The following SRGAP3 variants were observed in gnomAD, a reference collection of about 807,000 sequenced individuals.
The protein encoded by SRGAP3 is SLIT-ROBO Rho GTPase-activating protein 3.
A neutral mutation model predicts 121.1 loss-of-function variants in SRGAP3; 39 were observed. The ratio of observed to expected loss-of-function variants is 0.32; its 90% CI spans 0.25 to 0.42. SRGAP3 has a LOEUF of 0.42. SRGAP3 is among the 10% of genes least tolerant of loss of function. The probability of loss-of-function intolerance (pLI) is 1.00; values close to 1 mark genes in which losing one functional copy is unlikely to be tolerated. For synonymous variants in SRGAP3, 601 were observed against 570.0 expected (o/e 1.05, Z -0.77); for missense variants, 1,213 against 1,470.6 (o/e 0.82, Z 2.86).
intron 3 of SRGAP3, among the ~76,000 whole-genome samples, chr3:9,083,019 G>A (rs930196807): frequency 2.0e-5 from 3 of 152,114 alleles, no homozygotes; most frequent in Non-Finnish European, 4.4e-5. Flanking sequence ...AGCTCACTGG[G>A]GACCTTCAAC....
chr3:9,236,166 A>G (rs1953402110), intron 1 of SRGAP3: 1 of 174,632 alleles, frequency 5.7e-6, no homozygotes, highest in African/African-American at 2.4e-5. Context: ...ACCTTTGCAC[A>G]TGCTGTCTTC....
chr3:9,151,027 T>C (rs2668356), intron 1 of SRGAP3, among the ~76,000 whole-genome samples: 113,739 of 152,138 alleles, frequency 0.75, 42,635 homozygotes, highest in African/African-American at 0.79. Context: ...TTGAGGCTGG[T>C]TGAGAAGAAT....
chr3:8,990,704 T>C lies in SRGAP3; in HGVS notation c.2694A>G (p.Lys898=). 6.2e-7 allele frequency: 1 copy of C among 1,612,924 alleles called. No homozygotes were observed. Among genetic ancestry groups the C allele is most frequent in the Non-Finnish European group, 8.5e-7 (1 of 1,179,738 alleles). The change falls in exon 21 of 22, where the codon AAA becomes AAG. Residue 898 remains lysine (K), a synonymous_variant. Coordinates refer to ENST00000383836, the MANE Select transcript of SRGAP3 (RefSeq NM_014850.4). ...CGATCCTCCCCCGGGTGAGGGGGAT[T>C]TTGTGGGGGCTGCTGGGGCAGGCAG... The part of the protein sequence containing the change: ...RAAACPSSPH[K]IPLTRGRIES...
chr3:9,304,397 G>C (rs1955122488), intron 3 of SRGAP3, among the ~76,000 whole-genome samples: 1 of 152,132 alleles, frequency 6.6e-6, no homozygotes, highest in African/African-American at 2.4e-5. Flanking sequence ...CTCAAACCCA[G>C]AGTAGTTACA....
At chr3:9,237,617 C>T (rs1662629599) in intron 1 of SRGAP3, among the ~76,000 whole-genome samples, 2 of 152,182 alleles carry the variant, frequency 1.3e-5, no homozygotes, top group African/African-American at 4.8e-5. Context: ...CAATCCAGGG[C>T]AAGAGCATTC....
chr3:9,308,947 T>G (rs1056828057), intron 3 of SRGAP3, among the ~76,000 whole-genome samples: 2 of 152,164 alleles, frequency 1.3e-5, no homozygotes, highest in African/African-American at 4.8e-5. Flanking sequence ...GAACCAGGCA[T>G]CCTGATATTC....
intron 1 of SRGAP3, among the ~76,000 whole-genome samples, chr3:9,219,694 C>CA (rs1254950082): frequency 2.0e-5 from 3 of 151,986 alleles, no homozygotes. Context: ...ACTAAAAACA[C>CA]AAAAAAATTA....
At chr3:9,225,393 C>G (rs1208209171) in intron 1 of SRGAP3, among the ~76,000 whole-genome samples, 4 of 152,118 alleles carry the variant, frequency 2.6e-5, no homozygotes, top group Non-Finnish European at 5.9e-5. Context: ...AGCCACTGTC[C>G]TGAACAGCTC....
chr3:9,114,172 C>T (rs1302817215), intron 2 of SRGAP3, among the ~76,000 whole-genome samples: 1 of 152,176 alleles, frequency 6.6e-6, no homozygotes, highest in African/African-American at 2.4e-5. Flanking sequence ...ACAAAGTGAA[C>T]TTGGAAAGTT....
chr3:9,297,889 C>T (rs1299907916), intron 3 of SRGAP3, among the ~76,000 whole-genome samples: 1 of 148,520 alleles, frequency 6.7e-6, no homozygotes, highest in African/African-American at 2.5e-5. Context: ...GAGTGAGACT[C>T]AGTCTCAAAA....
chr3:9,240,282 A>T (rs1407800598), intron 1 of SRGAP3, among the ~76,000 whole-genome samples: 1 of 152,216 alleles, frequency 6.6e-6, no homozygotes, highest in Non-Finnish European at 1.5e-5. Flanking sequence ...CCAACAAGCC[A>T]TCAGGAATGA....
Position 8,981,991 on chromosome 3 carries a change from A to G in SRGAP3, c.*3528T>C, listed in dbSNP as rs755901372. On this transcript the variant is annotated 3_prime_UTR_variant, in exon 22 of 22. Coordinates refer to ENST00000383836, the MANE Select transcript of SRGAP3 (RefSeq NM_014850.4). ...AAACAAGGAAAGGCAAGAATTTTTC[A>G]TAGAATCCCACAGCTCAGAGCAGCT... 46 of 225,628 alleles carry G rather than the reference A, an allele frequency of 2.0e-4. No homozygotes were observed. Among genetic ancestry groups the G allele is most frequent in the Non-Finnish European group, 3.8e-4 (43 of 113,294 alleles). 14.0% of individuals were successfully genotyped at this position (225,628 alleles called of 1,614,324 possible). A position where few individuals can be genotyped will look rare whatever the true frequency, so the allele number is the denominator to read the frequency against.
At chr3:9,182,197 A>C (rs1230368721) in intron 1 of SRGAP3, among the ~76,000 whole-genome samples, 14 of 151,028 alleles carry the variant, frequency 9.3e-5, no homozygotes, top group South Asian at 4.2e-4. Context: ...AAAAAAAAAA[A>C]AAAACACAAA....
intron 8 of SRGAP3, 142 bp downstream of exon 8, chr3:9,056,091 T>C (rs773980759): frequency 1.2e-5 from 9 of 721,204 alleles, no homozygotes; most frequent in Non-Finnish European, 2.2e-5. Context: ...ATTCTTGGTG[T>C]GTGTGGTTTT....
intron 1 of SRGAP3, among the ~76,000 whole-genome samples, chr3:9,214,120 A>ACACACACACACACACACACACATG (rs760822100): frequency 0.06 from 8,533 of 142,752 alleles, 325 homozygotes; most frequent in Non-Finnish European, 0.087. Context: ...CACCTCCAAC[A>ACACACACACACACACACACACATG]CACACACACA....
At chr3:9,170,261 C>T (rs1468674150) in intron 1 of SRGAP3, among the ~76,000 whole-genome samples, 1 of 152,120 alleles carries the variant, frequency 6.6e-6, no homozygotes, top group African/African-American at 2.4e-5. Flanking sequence ...TTGAGCCTGC[C>T]GAAGCCCTGC....
intron 1 of SRGAP3, among the ~76,000 whole-genome samples, chr3:9,136,136 C>A (rs1949638008): frequency 6.6e-6 from 1 of 152,212 alleles, no homozygotes. Flanking sequence ...GTGCTGGTTC[C>A]CCTTCCCCGC....
intron 1 of SRGAP3, among the ~76,000 whole-genome samples, chr3:9,333,040 G>C (rs1439402321): frequency 6.6e-6 from 1 of 152,144 alleles, no homozygotes. Flanking sequence ...AAATACGCTA[G>C]CTTCTTGACA....
chr3:9,170,223 C>A (rs778772260), intron 1 of SRGAP3, among the ~76,000 whole-genome samples: 1 of 152,290 alleles, frequency 6.6e-6, no homozygotes, highest in African/African-American at 2.4e-5. Context: ...AATCTACAAA[C>A]CAAAACTCTT....
Sources: allele counts gnomAD v4.1 joint callset (sites outside exome capture counted in the v4.1 genomes callset), GRCh38; gene constraint gnomAD v4.1.1; transcripts MANE v1.5; gene names NCBI Gene and HGNC (gene_info 2026-07-23, HGNC 2026-07-21).